The following ORC1 variants were observed in gnomAD, a reference collection of about 807,000 sequenced individuals.
ORC1 encodes the protein origin recognition complex, subunit 1 homolog.
ORC1 carries 61 observed loss-of-function variants against 98.9 expected under a neutral mutation model. That is an observed-to-expected ratio of 0.62 (90% CI 0.50 to 0.76). The LOEUF (loss-of-function observed/expected upper bound fraction) is 0.76. ORC1 is among the 30% of genes least tolerant of loss of function. The pLI is 0.00. For synonymous variants in ORC1, 385 were observed against 406.9 expected (o/e 0.95, Z 0.65); for missense variants, 979 against 1,072.2 (o/e 0.91, Z 1.21).
rs1647172687 is a variant in ORC1 at position 52,388,502 on chromosome 1, C to T, written c.1323G>A (p.Arg441=). 6.2e-7 allele frequency: 1 copy of T among 1,614,200 alleles called. No individual in the cohort carries two copies. Among genetic ancestry groups the T allele is most frequent in the Non-Finnish European group, 8.5e-7 (1 of 1,180,038 alleles). Residue 441 remains arginine (R), a synonymous_variant, in exon 8 of 17, where the codon AGG becomes AGA. Transcript: ENST00000371568. ...LPRRAPRTVS[R]NLRSSLKSSL... ...ATGACTTCAAGGAAGATCGCAGGTT[C>T]CTGGACACAGTTCTGGGTGCTCTCC...
At chr1:52,394,491 C>T (rs537162823) in intron 5 of ORC1, among the ~76,000 whole-genome samples, 4 of 152,158 alleles carry the variant, frequency 2.6e-5, no homozygotes, top group Admixed American at 6.5e-5. Flanking sequence ...TATTATATTA[C>T]ATAAAGTGAA....
intron 13 of ORC1, among the ~76,000 whole-genome samples, chr1:52,382,862 G>A (rs1467594759): frequency 6.6e-6 from 1 of 151,934 alleles, no homozygotes; most frequent in Non-Finnish European, 1.5e-5. Flanking sequence ...TTACAGGCGT[G>A]AGCCACTGTG....
At chr1:52,375,727 G>T in intron 14 of ORC1, 128 bp from the exon 15 acceptor site, 1 of 796,700 alleles carries the variant, frequency 1.3e-6, no homozygotes, top group Non-Finnish European at 2.1e-6. Flanking sequence ...CCTGGAGGAA[G>T]AATAGAAATG....
At chr1:52,397,953 C>A in intron 3 of ORC1, 90 bp from the exon 4 acceptor site, 2 of 1,233,934 alleles carry the variant, frequency 1.6e-6, no homozygotes, top group East Asian at 2.3e-5. Context: ...TGTGCTTAAC[C>A]CTTGACATGT....
chr1:52,406,536 AG>A (rs1648003505), upstream of ORC1, among the ~76,000 whole-genome samples: 1 of 146,736 alleles, frequency 6.8e-6, no homozygotes, highest in African/African-American at 2.8e-5. Flanking sequence ...ATGACATTGG[AG>A]AGGTTACTTA....
intron 10 of ORC1, 44 bp from the exon 11 acceptor site, chr1:52,384,765 C>T: frequency 1.3e-6 from 2 of 1,522,262 alleles, no homozygotes; most frequent in Non-Finnish European, 1.8e-6. Flanking sequence ...CTCAGCCAGC[C>T]ACTACACGTT....
At position 52,388,426 on chromosome 1, in the gene ORC1, C is replaced by G; in HGVS notation, c.1383+16G>C. On this transcript the variant is annotated intron_variant, in intron 8 of 16. Transcript: ENST00000371568. ...GAGGGATGCTTCAATGGGAAGTAAA[C>G]CTAGAAGAACCTTACACTCTTCTTT... is the stretch of plus-strand genomic sequence containing the variant. 4 of 1,608,010 alleles carry G rather than the reference C, an allele frequency of 2.5e-6. No homozygotes were observed. Among genetic ancestry groups the G allele is most frequent in the Non-Finnish European group, 3.4e-6 (4 of 1,174,446 alleles).
intron 16 of ORC1, 58 bp downstream of exon 16, chr1:52,374,752 T>C (rs1156993814): frequency 5.2e-6 from 6 of 1,154,206 alleles, no homozygotes; most frequent in African/African-American, 1.5e-5. Flanking sequence ...GAAATTTCCA[T>C]GTATTTTAAA....
intron 6 of ORC1, among the ~76,000 whole-genome samples, chr1:52,391,574 C>T (rs1647212608): frequency 6.6e-6 from 1 of 152,010 alleles, no homozygotes; most frequent in Non-Finnish European, 1.5e-5. Flanking sequence ...TCAAACAAAT[C>T]AGCAAGAAAA....
At chr1:52,402,256 C>A (rs777323687) in intron 1 of ORC1, 28 bp from the exon 2 acceptor site, 5 of 1,520,844 alleles carry the variant, frequency 3.3e-6, no homozygotes, top group Non-Finnish European at 4.6e-6. Context: ...CTCTGAGTTA[C>A]CATGATAAAT....
chr1:52,393,351 C>A, intron 6 of ORC1, 92 bp downstream of exon 6: 3 of 1,560,176 alleles, frequency 1.9e-6, no homozygotes. Flanking sequence ...ATAGGTTTTT[C>A]AACTACTGTT....
At chr1:52,403,897 T>C (rs1399817108) in intron 1 of ORC1, among the ~76,000 whole-genome samples, 1 of 152,158 alleles carries the variant, frequency 6.6e-6, no homozygotes, top group African/African-American at 2.4e-5. Flanking sequence ...TCCTACACTA[T>C]AGCTCAAAGA....
chr1:52,388,399 G>A (rs769158485), intron 8 of ORC1, 43 bp downstream of exon 8: 100 of 1,508,210 alleles, frequency 6.6e-5, no homozygotes, highest in Non-Finnish European at 7.7e-5. Context: ...TTTAAACTAA[G>A]AGAGGGATGC....
chr1:52,394,024 C>A (rs1307169745), intron 5 of ORC1, among the ~76,000 whole-genome samples: 4 of 152,212 alleles, frequency 2.6e-5, no homozygotes, highest in Non-Finnish European at 5.9e-5. Context: ...CATAAGTCAA[C>A]TTTTAAGTCA....
In ORC1 at chr1:52,373,270, G is replaced by A. The variant is rs778103878; in HGVS notation, c.2497C>T (p.Leu833Phe). 4 of 1,614,208 alleles carry A rather than the reference G, an allele frequency of 2.5e-6. No individual in the cohort carries two copies. In the East Asian group the frequency reaches 8.9e-5, roughly 36 times the overall value. ...CSHLGSCRLLLVEPSRNDLLL... is the reference protein window; with the variant it reads ...CSHLGSCRLLFVEPSRNDLLL... ...AGATCGTTCCTGCTGGGCTCCACAA[G>A]CAGGAGGCGACAGGAGCCCAGGTGA... Residue 833 changes from leucine to phenylalanine, a missense_variant, in exon 17 of 17, where the codon CTT becomes TTT. By Grantham distance (22) the Leu-to-Phe change is conservative (BLOSUM62 0). Transcript: ENST00000371568.
chr1:52,398,232 G>A lies in ORC1; in HGVS notation c.224-369C>T, dbSNP rs144268775. 3.7e-3 allele frequency among the ~76,000 whole-genome samples: 557 copies of A among 150,732 alleles called. 4 individuals carry two copies. The highest frequency in any genetic ancestry group is 0.013 in the African/African-American group (521 of 40,954). ...GCCTACCTTGGCCTCCCAAAGTGCTGGAATTACAGGCATGAGCCACCACCT... is the reference window on the plus strand; with the variant it reads ...GCCTACCTTGGCCTCCCAAAGTGCTAGAATTACAGGCATGAGCCACCACCT... On this transcript the variant is annotated intron_variant, in intron 3 of 16. Transcript: ENST00000371568.
intron 13 of ORC1, among the ~76,000 whole-genome samples, chr1:52,382,689 C>T (rs1647088353): frequency 6.7e-6 from 1 of 150,334 alleles, no homozygotes; most frequent in Non-Finnish European, 1.5e-5. Context: ...AAGAGATTCT[C>T]CTGCCTCAGC....
intron 11 of ORC1, 140 bp from the exon 12 acceptor site, chr1:52,384,077 C>T (rs1647109225): frequency 2.8e-6 from 2 of 725,538 alleles, no homozygotes; most frequent in African/African-American, 1.7e-5. Flanking sequence ...TAGTCTTAAC[C>T]TTTACTTGGA....
At chr1:52,391,642 T>C (rs892834217) in intron 6 of ORC1, among the ~76,000 whole-genome samples, 2 of 152,124 alleles carry the variant, frequency 1.3e-5, no homozygotes, top group African/African-American at 4.8e-5. Context: ...CTCACGCCTA[T>C]AATCCCAGCA....
Sources: gnomAD v4.1 joint callset for allele counts (sites outside exome capture counted in the v4.1 genomes callset) on GRCh38, gnomAD v4.1.1 for gene constraint, MANE v1.5 for transcripts, NCBI Gene and HGNC (gene_info 2026-07-23, HGNC 2026-07-21) for gene names.